Variants in ZNF692 observed in about 807,000 individuals in gnomAD.
ZNF692 encodes the protein zinc finger protein 692.
In ZNF692, 41 loss-of-function variants were observed where a neutral mutation model predicts 49.0. The observed-to-expected ratio is 0.84, with a 90% CI of 0.65 to 1.08. ZNF692 has a LOEUF of 1.08. Ranked by LOEUF, ZNF692 falls within the 50% of genes least tolerant of loss-of-function variation. The pLI is 0.00. For missense variants in ZNF692, 662 were observed against 662.2 expected (o/e 1.00, Z 0.00); for synonymous variants, 288 against 251.5 (o/e 1.15, Z -1.37).
At chr1:248,857,569 G>A (rs1406360918) in intron 3 of ZNF692, 72 bp from the exon 4 acceptor site, 4 of 1,543,686 alleles carry the variant, frequency 2.6e-6, no homozygotes, top group Non-Finnish European at 3.5e-6. Flanking sequence ...GCCATACCCA[G>A]GGAGCCCTGT....
rs1237622780 is a variant in ZNF692 at position 248,855,909 on chromosome 1, CAG to C, written c.695_696del (p.Pro232ArgfsTer6). On this transcript the variant is annotated frameshift_variant, in exon 7 of 12. Coordinates refer to ENST00000306601, the MANE Select transcript of ZNF692 (RefSeq NM_017865.4). LOFTEE classifies it high-confidence loss of function. ...EPDAPRLLPSPVTCTPKEGET... is the reference protein window; with the variant it reads ...EPDAPRLLPSXVTCTPKEGET... The stretch of plus-strand genomic sequence containing the variant: ...TCCCCCTCTTTAGGTGTGCAGGTGA[CAG>C]GGGAAGGCAGTAGTCTGGGGGCATC... 1.9e-6 allele frequency: 3 copies of C among 1,613,992 alleles called. No individual in the cohort carries two copies. The highest frequency in any genetic ancestry group is 1.3e-5 in the African/African-American group (1 of 74,906).
Position 248,858,551 on chromosome 1 carries a change from C to A in ZNF692, c.-12-230G>T. On this transcript the variant is annotated intron_variant, in intron 1 of 11. Coordinates refer to ENST00000306601, the MANE Select transcript of ZNF692 (RefSeq NM_017865.4). This position sits in a 1 kb window ranked among gnomAD's most constrained non-coding sequence, Gnocchi z 4.3. Reference sequence around the variant, plus strand: ...CGGGTGGGAGGCAGGCAGACAGAAGCAGTCAGAACAAAGGCCTGCGCCCTC... The same window carrying A: ...CGGGTGGGAGGCAGGCAGACAGAAGAAGTCAGAACAAAGGCCTGCGCCCTC... 6.4e-7 allele frequency: 1 copy of A among 1,551,728 alleles called. No individual in the cohort carries two copies. Among genetic ancestry groups the A allele is most frequent in the Non-Finnish European group, 8.7e-7 (1 of 1,146,996 alleles).
chr1:248,851,916 T>G (rs1659646349), intron 10 of ZNF692, among the ~76,000 whole-genome samples: 2 of 152,364 alleles, frequency 1.3e-5, no homozygotes, highest in Admixed American at 1.3e-4. Context: ...ATCTTCCCTC[T>G]GAGCCCCTTC....
At chr1:248,852,718 G>A (rs1468632422) in intron 10 of ZNF692, among the ~76,000 whole-genome samples, 2 of 151,974 alleles carry the variant, frequency 1.3e-5, no homozygotes, top group Admixed American at 6.6e-5. Context: ...CTCACATTTG[G>A]CCTGTCGCAC....
chr1:248,858,017 C>T lies in ZNF692; in HGVS notation c.179+114G>A, dbSNP rs1660445811. 1 of 1,545,426 alleles carries T rather than the reference C, an allele frequency of 6.5e-7. No individual in the cohort carries two copies. On this transcript the variant is annotated intron_variant, in intron 2 of 11. Coordinates refer to ENST00000306601, the MANE Select transcript of ZNF692 (RefSeq NM_017865.4). The surrounding 1 kb of genome is among the most constrained non-coding windows in gnomAD (Gnocchi z 4.3). ...GGAGGCCACAAGTCACACAGGCCGTCCTGGTAAAGTGAGAAACCTGAGGGT... is the reference window on the plus strand; with the variant it reads ...GGAGGCCACAAGTCACACAGGCCGTTCTGGTAAAGTGAGAAACCTGAGGGT...
rs139586429 is a variant in ZNF692, at chr1:248,858,844, A to C, written c.-13+74T>G. 1,163 of 501,622 alleles carry C rather than the reference A, an allele frequency of 2.3e-3. 15 individuals carry two copies. The highest frequency in any genetic ancestry group is 0.021 in the African/African-American group (1,056 of 51,408). 31.1% of individuals were successfully genotyped at this position (501,622 alleles called of 1,614,324 possible). Reference sequence around the variant, plus strand: ...CCCACTTAATGCTGACAGTGAGTGGAGCGGACTAATCCCAATGGCAGTTCC... The same window carrying C: ...CCCACTTAATGCTGACAGTGAGTGGCGCGGACTAATCCCAATGGCAGTTCC... On this transcript the variant is annotated intron_variant, in intron 1 of 11. Transcript: ENST00000306601. This position sits in a 1 kb window ranked among gnomAD's most constrained non-coding sequence, Gnocchi z 4.3.
intron 10 of ZNF692, among the ~76,000 whole-genome samples, chr1:248,853,693 C>G (rs1659887170): frequency 6.6e-6 from 1 of 152,234 alleles, no homozygotes; most frequent in Non-Finnish European, 1.5e-5. Context: ...AGGGTTAGCG[C>G]TGCCTGCTCT....
intron 6 of ZNF692, 41 bp from the exon 7 acceptor site, chr1:248,855,987 G>A (rs1384229798): frequency 6.3e-7 from 1 of 1,592,216 alleles, no homozygotes. Flanking sequence ...TAACTTTCTG[G>A]GCAGTCAGCC....
At chr1:248,857,992 G>A (rs773378409) in intron 2 of ZNF692, 133 bp from the exon 3 acceptor site, 13 of 1,548,406 alleles carry the variant, frequency 8.4e-6, no homozygotes, top group Non-Finnish European at 2.6e-6. Context: ...CAGGACCCTC[G>A]GAGGCCACAA....
rs1047730850 is a variant in ZNF692 at position 248,850,845 on chromosome 1, C to G, written c.1154-64G>C. 1.3e-4 allele frequency: 184 copies of G among 1,411,082 alleles called. No individual in the cohort carries two copies. The African/African-American group carries it at 2.6e-3, about 20-fold the overall frequency. The allele number at this position is 1,411,082 out of a possible 1,614,324, so 87.4% of individuals were successfully genotyped here. On this transcript the variant is annotated intron_variant, in intron 10 of 11. Coordinates refer to ENST00000306601, the MANE Select transcript of ZNF692 (RefSeq NM_017865.4). Reference sequence around the variant, plus strand: ...CCCTGTGGCCCCTCCTTGGCCCACCCCACCCACTGTCCCTCACCAGAGTGC... The same window carrying G: ...CCCTGTGGCCCCTCCTTGGCCCACCGCACCCACTGTCCCTCACCAGAGTGC...
At chr1:248,852,896 C>T (rs1226965696) in intron 10 of ZNF692, among the ~76,000 whole-genome samples, 1 of 152,188 alleles carries the variant, frequency 6.6e-6, no homozygotes, top group African/African-American at 2.4e-5. Context: ...CTCTAAACAC[C>T]ACCCATATGC....
At position 248,855,554 on chromosome 1, in the gene ZNF692, C is replaced by A. The variant is rs1358266428; in HGVS notation, c.959+4G>T. ...CCCCAGAACCCCATCTCCCTAAGTCCTACCTAATTCTCTTGGGGCCAATTT... is the reference window on the plus strand; with the variant it reads ...CCCCAGAACCCCATCTCCCTAAGTCATACCTAATTCTCTTGGGGCCAATTT... On this transcript the variant is annotated splice_donor_region_variant and intron_variant, in intron 8 of 11. Coordinates refer to ENST00000306601, the MANE Select transcript of ZNF692 (RefSeq NM_017865.4). 6.2e-7 allele frequency: 1 copy of A among 1,614,188 alleles called. No individual in the cohort carries two copies. The highest frequency in any genetic ancestry group is 1.7e-5 in the Admixed American group (1 of 60,024).
In ZNF692 at chr1:248,858,388, G is replaced by T; in HGVS notation, c.-12-67C>A. 2 of 1,538,746 alleles carry T rather than the reference G, an allele frequency of 1.3e-6. No individual in the cohort carries two copies. Among genetic ancestry groups the T allele is most frequent in the Non-Finnish European group, 1.8e-6 (2 of 1,137,364 alleles). ...GGGGGTCGGGGACCCGGCTCCACCT[G>T]CCGTTAGGGCCTCAGTTTCCTCATC... On this transcript the variant is annotated intron_variant, in intron 1 of 11. Coordinates refer to ENST00000306601, the MANE Select transcript of ZNF692 (RefSeq NM_017865.4). The surrounding 1 kb of genome is among the most constrained non-coding windows in gnomAD (Gnocchi z 4.3).
In ZNF692 at chr1:248,858,462, G is replaced by A. The variant is rs187157011; in HGVS notation, c.-12-141C>T. On this transcript the variant is annotated intron_variant, in intron 1 of 11. Transcript: ENST00000306601. The surrounding 1 kb of genome is among the most constrained non-coding windows in gnomAD (Gnocchi z 4.3). The stretch of plus-strand genomic sequence containing the variant: ...TATTTCAATAGCAGTGGCAGGTGTG[G>A]AGCCAAACCCCGTCCTTCTATGATA... The A allele has an allele frequency of 6.4e-7, 1 of 1,551,684 alleles. No homozygotes were observed. Among genetic ancestry groups the A allele is most frequent in the Non-Finnish European group, 8.7e-7 (1 of 1,146,948 alleles).
In ZNF692 at chr1:248,850,187, C is replaced by CA. The variant is rs60266785; in HGVS notation, c.*22dup. On this transcript the variant is annotated 3_prime_UTR_variant, in exon 12 of 12. Coordinates refer to ENST00000306601, the MANE Select transcript of ZNF692 (RefSeq NM_017865.4). ...TTTCAGTCCCTGGAGTCTGGCTTCC[C>CA]AAAGCCAAAGCTGGAGGAGAGCTCA... 86,361 of 1,509,404 alleles carry CA rather than the reference C, an allele frequency of 0.057. 4,046 individuals carry two copies. The highest frequency in any genetic ancestry group is 0.18 in the East Asian group (8,049 of 43,606). 93.5% of individuals were successfully genotyped at this position (1,509,404 alleles called of 1,614,324 possible). A position where few individuals can be genotyped will look rare whatever the true frequency, so the allele number is the denominator to read the frequency against.
At position 248,850,096 on chromosome 1, in the gene ZNF692, G is replaced by T; in HGVS notation, c.*114C>A. On this transcript the variant is annotated 3_prime_UTR_variant, in exon 12 of 12. Transcript: ENST00000306601. ...CAGTCTTGCCCCCACCCTGCACTCT[G>T]TCGCCTTAGTTCCTGGGGACCAAGC... The T allele has an allele frequency of 1.6e-6, 2 of 1,223,220 alleles. No homozygotes were observed. The highest frequency in any genetic ancestry group is 1.8e-5 in the South Asian group (1 of 56,722). 75.8% of individuals were successfully genotyped at this position (1,223,220 alleles called of 1,614,324 possible). A position where few individuals can be genotyped will look rare whatever the true frequency, so the allele number is the denominator to read the frequency against.
chr1:248,855,269 C>A, intron 9 of ZNF692, 111 bp downstream of exon 9: 1 of 1,035,050 alleles, frequency 9.7e-7, no homozygotes. Context: ...CAGGTACCCT[C>A]TGCTTCCTGG....
chr1:248,850,866 A>C (rs1374987542), intron 10 of ZNF692, 85 bp from the exon 11 acceptor site: 5 of 1,178,118 alleles, frequency 4.2e-6, no homozygotes, highest in Non-Finnish European at 3.6e-6. Flanking sequence ...CCCTCACCAG[A>C]GTGCACCGTA....
chr1:248,854,327 A>G (rs1659965553), intron 9 of ZNF692: 1 of 387,464 alleles, frequency 2.6e-6, no homozygotes, highest in South Asian at 2.8e-5. Flanking sequence ...TCACACTCTC[A>G]CCCTGCAATG....
Sources: gnomAD v4.1 joint callset for allele counts (sites outside exome capture counted in the v4.1 genomes callset) on GRCh38, gnomAD v4.1.1 for gene constraint, Gnocchi (gnomAD v3.1) non-coding constraint, MANE v1.5 for transcripts, NCBI Gene and HGNC (gene_info 2026-07-23, HGNC 2026-07-21) for gene names.